Variants in STIM1 observed in about 807,000 individuals in gnomAD.
STIM1 encodes stromal interaction molecule 1.
A neutral mutation model predicts 74.7 loss-of-function variants in STIM1; 25 were observed. That is an observed-to-expected ratio of 0.33 (90% confidence interval 0.24 to 0.47). The LOEUF (loss-of-function observed/expected upper bound fraction) is 0.47. STIM1 is among the 20% of genes least tolerant of loss of function. The pLI, the probability that STIM1 is intolerant of heterozygous loss-of-function variation, is 1.00. For synonymous variants in STIM1, 328 were observed against 348.8 expected (o/e 0.94, Z 0.66); for missense variants, 728 against 920.8 (o/e 0.79, Z 2.71).
chr11:3,958,338 C>A (rs1215316305), intron 1 of STIM1, among the ~76,000 whole-genome samples: 2 of 152,032 alleles, frequency 1.3e-5, no homozygotes, highest in Non-Finnish European at 2.9e-5. Flanking sequence ...CAAGACCCCC[C>A]TCTCAAAAAT....
chr11:4,032,569 G>T (rs1213412282), intron 3 of STIM1, among the ~76,000 whole-genome samples: 1 of 152,158 alleles, frequency 6.6e-6, no homozygotes, highest in Non-Finnish European at 1.5e-5. Flanking sequence ...GTGGGATTTT[G>T]AATAGGATTG....
intron 2 of STIM1, among the ~76,000 whole-genome samples, chr11:4,011,424 G>T (rs1456922469): frequency 6.6e-6 from 1 of 152,176 alleles, no homozygotes; most frequent in Non-Finnish European, 1.5e-5. Context: ...ACTGGCGTGA[G>T]ATAGTATCTC....
chr11:3,934,571 A>G (rs2092910528), intron 1 of STIM1, among the ~76,000 whole-genome samples: 1 of 152,216 alleles, frequency 6.6e-6, no homozygotes, highest in Admixed American at 6.5e-5. Flanking sequence ...TCTCTTTAGC[A>G]AGCACAGGGT....
chr11:4,074,984 C>CA (rs1386961645), intron 7 of STIM1, among the ~76,000 whole-genome samples: 1 of 151,828 alleles, frequency 6.6e-6, no homozygotes, highest in Non-Finnish European at 1.5e-5. Context: ...ATTAAAAATA[C>CA]AAAAAAATTA....
chr11:4,006,628 G>C (rs2093784356), intron 2 of STIM1, among the ~76,000 whole-genome samples: 1 of 152,254 alleles, frequency 6.6e-6, no homozygotes, highest in East Asian at 1.9e-4. Context: ...TGGCCAGGCT[G>C]GTCTTGAATT....
At chr11:3,961,166 C>CTAA (rs1565128965) in intron 1 of STIM1, 2 of 154,914 alleles carry the variant, frequency 1.3e-5, no homozygotes, top group African/African-American at 5.0e-5. Flanking sequence ...CCATGCTTGG[C>CTAA]TTTTATAGAG....
chr11:4,060,934 T>C (rs2094326455), intron 5 of STIM1, among the ~76,000 whole-genome samples: 1 of 152,126 alleles, frequency 6.6e-6, no homozygotes, highest in African/African-American at 2.4e-5. Flanking sequence ...GAAGTGGCCT[T>C]ATTAAACTCT....
chr11:4,084,716 C>T lies in STIM1; in HGVS notation c.1518C>T (p.Leu506=). The T allele has an allele frequency of 2.3e-6, 3 of 1,289,456 alleles. No individual in the cohort carries two copies. Among genetic ancestry groups the T allele is most frequent in the Non-Finnish European group, 3.0e-6 (3 of 988,888 alleles). The allele number at this position is 1,289,456 out of a possible 1,614,324, so 79.9% of individuals were successfully genotyped here. A position where few individuals can be genotyped will look rare whatever the true frequency, so the allele number is the denominator to read the frequency against. ...GGCGTAGGTTCAGTGACCGCTCTCT[C>T]TGCTCTACATCCGCCGGCTCGGATG... ...LMGRRFSDRS[L]CSTSAGSDDQ... The change falls in exon 11 of 13, where the codon CTC becomes CTT. Residue 506 remains leucine, a synonymous_variant. Coordinates refer to ENST00000526596, the MANE Select transcript of STIM1 (RefSeq NM_001382567.1).
At chr11:3,989,388 A>G in intron 2 of STIM1, 1 of 768,096 alleles carries the variant, frequency 1.3e-6, no homozygotes, top group Non-Finnish European at 2.4e-6. Flanking sequence ...CAGGTTTAGC[A>G]GACAACCGCG....
In STIM1 at chr11:4,006,702, C is replaced by T. The variant is rs143029928; in HGVS notation, c.271-17171C>T. Reference sequence around the variant, plus strand: ...GTGCTGGGATTACAGGTGTGAGCCACTGTGCCCAGCCACAGGTATTTCTTT... The same window carrying T: ...GTGCTGGGATTACAGGTGTGAGCCATTGTGCCCAGCCACAGGTATTTCTTT... On this transcript the variant is annotated intron_variant, in intron 2 of 12. Coordinates refer to ENST00000526596, the MANE Select transcript of STIM1 (RefSeq NM_001382567.1). Among the ~76,000 whole-genome samples the T allele has an allele frequency of 3.2e-3, 492 of 152,326 alleles. 1 individual carries two copies. Among genetic ancestry groups the T allele is most frequent in the African/African-American group, 0.011 (458 of 41,570 alleles).
At chr11:4,086,926 T>G in intron 12 of STIM1, 1 of 1,488,276 alleles carries the variant, frequency 6.7e-7, no homozygotes, top group Non-Finnish European at 8.9e-7. Context: ...CCTTGGTTTC[T>G]GCCTGCCAGC....
chr11:4,029,401 A>G (rs1340586010), intron 3 of STIM1, among the ~76,000 whole-genome samples: 1 of 151,856 alleles, frequency 6.6e-6, no homozygotes, highest in African/African-American at 2.4e-5. Flanking sequence ...CCTTACTGGG[A>G]CCATTGTCTC....
chr11:3,959,643 C>T (rs891151862), intron 1 of STIM1, among the ~76,000 whole-genome samples: 1 of 152,088 alleles, frequency 6.6e-6, no homozygotes, highest in African/African-American at 2.4e-5. Context: ...GAACAGTGAA[C>T]AGTGAATGAT....
At chr11:4,053,795 G>A (rs951230901) in intron 3 of STIM1, among the ~76,000 whole-genome samples, 4 of 151,970 alleles carry the variant, frequency 2.6e-5, no homozygotes, top group Admixed American at 2.6e-4. Context: ...TTTTAATAGA[G>A]ACAGGGTCTC....
intron 1 of STIM1, among the ~76,000 whole-genome samples, chr11:3,867,770 G>T (rs995412949): frequency 6.6e-6 from 1 of 152,186 alleles, no homozygotes; most frequent in African/African-American, 2.4e-5. Context: ...CCTTTCCTCG[G>T]TTGGCCATAT....
rs182228913 is a variant in STIM1 at position 4,057,017 on chromosome 11, C to T, written c.497+1380C>T. 3.4e-3 allele frequency among the ~76,000 whole-genome samples: 520 copies of T among 152,204 alleles called. 4 individuals carry two copies. The highest frequency in any genetic ancestry group is 0.012 in the African/African-American group (490 of 41,526). On this transcript the variant is annotated intron_variant, in intron 4 of 12. Transcript: ENST00000526596. Reference sequence around the variant, plus strand: ...CAATATTCAGTTTAGTTCTATTTTACAAAACTTCACTAAGCACCTACCATG... The same window carrying T: ...CAATATTCAGTTTAGTTCTATTTTATAAAACTTCACTAAGCACCTACCATG...
chr11:3,961,708 C>G (rs542651665), intron 1 of STIM1, among the ~76,000 whole-genome samples: 2 of 152,146 alleles, frequency 1.3e-5, no homozygotes, highest in African/African-American at 4.8e-5. Flanking sequence ...TGGGGTTTCT[C>G]CATGTTGGTC....
intron 1 of STIM1, among the ~76,000 whole-genome samples, chr11:3,899,421 G>A (rs35657722): frequency 6.6e-6 from 1 of 152,106 alleles, no homozygotes; most frequent in African/African-American, 2.4e-5. Context: ...TTTGGGCTGA[G>A]ACAATGGGGT....
At chr11:4,061,301 C>A (rs563012636) in intron 5 of STIM1, among the ~76,000 whole-genome samples, 62 of 152,230 alleles carry the variant, frequency 4.1e-4, no homozygotes, top group Middle Eastern at 3.4e-3. Context: ...TGGACTGATA[C>A]CAGGACAGGG....
Sources: gnomAD v4.1 joint callset for allele counts (sites outside exome capture counted in the v4.1 genomes callset) on GRCh38, gnomAD v4.1.1 for gene constraint, MANE v1.5 for transcripts, NCBI Gene and HGNC (gene_info 2026-07-23, HGNC 2026-07-21) for gene names.